Variants in PHYHIPL observed in about 807,000 individuals in gnomAD.
The protein encoded by PHYHIPL is phytanoyl-CoA hydroxylase-interacting protein-like.
A neutral mutation model predicts 33.4 loss-of-function variants in PHYHIPL; 9 were observed. That is an observed-to-expected ratio of 0.27 (90% CI 0.16 to 0.47). The LOEUF is 0.47. Among genes scored for constraint, PHYHIPL ranks in the 20% least tolerant of loss-of-function variants. The pLI, the probability that PHYHIPL is intolerant of heterozygous loss-of-function variation, is 0.99. For missense variants in PHYHIPL, 365 were observed against 460.7 expected (o/e 0.79, Z 1.90); for synonymous variants, 153 against 154.1 (o/e 0.99, Z 0.05).
chr10:59,217,011 C>G (rs185433711), intron 1 of PHYHIPL, among the ~76,000 whole-genome samples: 100 of 152,170 alleles, frequency 6.6e-4, no homozygotes, highest in African/African-American at 2.2e-3. Context: ...TAATACTTTA[C>G]TTTACTATTC....
intron 1 of PHYHIPL, chr10:59,177,186 C>T (rs916821731): frequency 8.4e-6 from 5 of 595,778 alleles, no homozygotes; most frequent in South Asian, 4.5e-5. Context: ...CGTCCACAAC[C>T]GTGGCGCCCT....
intron 1 of PHYHIPL, among the ~76,000 whole-genome samples, chr10:59,224,497 A>AAACAAAACAAAACAAAACAC (rs370140471): frequency 0.017 from 1,168 of 70,500 alleles, 9 homozygotes; most frequent in Non-Finnish European, 0.032. Flanking sequence ...AAACAAAACA[A>AAACAAAACAAAACAAAACAC]AAAACAAAAC....
intron 1 of PHYHIPL, among the ~76,000 whole-genome samples, chr10:59,204,785 G>GT (rs1390348544): frequency 6.7e-6 from 1 of 148,694 alleles, no homozygotes; most frequent in African/African-American, 2.5e-5. Context: ...TTATTCATGT[G>GT]TTTATCATTC....
At chr10:59,207,316 G>A (rs1248950842) in intron 1 of PHYHIPL, among the ~76,000 whole-genome samples, 3 of 152,156 alleles carry the variant, frequency 2.0e-5, no homozygotes, top group African/African-American at 7.2e-5. Flanking sequence ...CACCTGGGAA[G>A]CGCAAGGGGT....
Position 59,247,722 on chromosome 10 carries a change from T to C in PHYHIPL, c.*2131T>C, listed in dbSNP as rs1840842611. On this transcript the variant is annotated 3_prime_UTR_variant, in exon 5 of 5. Coordinates refer to ENST00000373880, the MANE Select transcript of PHYHIPL (RefSeq NM_032439.4). ...ACTCATCTGCCATTGGTATCCTATC[T>C]TCCTTTTGTGGACTTCTGCAAAACA... 1 of 1,611,626 alleles carries C rather than the reference T, an allele frequency of 6.2e-7. No individual in the cohort carries two copies. The highest frequency in any genetic ancestry group is 1.3e-5 in the African/African-American group (1 of 74,850).
intron 1 of PHYHIPL, among the ~76,000 whole-genome samples, chr10:59,212,279 A>G (rs559052921): frequency 3.3e-5 from 5 of 152,350 alleles, no homozygotes; most frequent in African/African-American, 7.2e-5. Context: ...AGTGTCAGGT[A>G]TTCTGTTATA....
intron 1 of PHYHIPL, among the ~76,000 whole-genome samples, chr10:59,188,558 C>T (rs555025521): frequency 6.6e-5 from 10 of 152,212 alleles, no homozygotes; most frequent in African/African-American, 2.4e-4. Flanking sequence ...CTAATGTTGA[C>T]AGTGGGGTGT....
rs1838738203 is a variant in PHYHIPL, at chr10:59,189,977, TG to T, written c.106+13019del. Among the ~76,000 whole-genome samples, 4 of 151,998 alleles carry T rather than the reference TG, an allele frequency of 2.6e-5. No individual in the cohort carries two copies. In the South Asian group the frequency reaches 8.3e-4, roughly 31 times the overall value. ...AGTTGCAGCTAGCTAGGTTATGCCATGATTAGGATTTTGGATTTATTATCTT... is the reference window on the plus strand; with the variant it reads ...AGTTGCAGCTAGCTAGGTTATGCCATATTAGGATTTTGGATTTATTATCTT... On this transcript the variant is annotated intron_variant, in intron 1 of 4. Coordinates refer to ENST00000373880, the MANE Select transcript of PHYHIPL (RefSeq NM_032439.4).
intron 1 of PHYHIPL, among the ~76,000 whole-genome samples, chr10:59,189,456 T>G (rs1225174454): frequency 2.0e-5 from 3 of 152,044 alleles, no homozygotes; most frequent in Non-Finnish European, 4.4e-5. Context: ...GACCATGCCA[T>G]TCTATTCTTG....
chr10:59,210,371 A>G (rs1226795310), intron 1 of PHYHIPL, among the ~76,000 whole-genome samples: 2 of 152,242 alleles, frequency 1.3e-5, no homozygotes, highest in Non-Finnish European at 2.9e-5. Flanking sequence ...CAAAACCACA[A>G]TGAGATACCA....
chr10:59,185,209 C>T (rs1838550287), intron 1 of PHYHIPL, among the ~76,000 whole-genome samples: 1 of 151,934 alleles, frequency 6.6e-6, no homozygotes, highest in South Asian at 2.1e-4. Context: ...CCGGGATGGT[C>T]TCGATCTCCT....
At chr10:59,182,096 C>T (rs558058122) in intron 1 of PHYHIPL, among the ~76,000 whole-genome samples, 1 of 152,254 alleles carries the variant, frequency 6.6e-6, no homozygotes, top group South Asian at 2.1e-4. Flanking sequence ...TCCTGGGCCT[C>T]GATAATAACA....
intron 1 of PHYHIPL, among the ~76,000 whole-genome samples, chr10:59,210,637 T>G (rs577186102): frequency 6.6e-6 from 1 of 152,358 alleles, no homozygotes; most frequent in Admixed American, 6.5e-5. Context: ...ATATGCTTAT[T>G]GTAGCACTGT....
intron 1 of PHYHIPL, chr10:59,177,252 T>A: frequency 1.7e-6 from 1 of 592,846 alleles, no homozygotes; most frequent in Non-Finnish European, 2.9e-6. Flanking sequence ...TCGCGGCTCC[T>A]GCCCCGACGA....
At chr10:59,215,533 A>T (rs767751374) in intron 1 of PHYHIPL, among the ~76,000 whole-genome samples, 36 of 152,050 alleles carry the variant, frequency 2.4e-4, no homozygotes, top group Non-Finnish European at 4.4e-4. Flanking sequence ...CACAATGGAA[A>T]TAATTGCGAC....
At chr10:59,180,675 T>A (rs555839664) in intron 1 of PHYHIPL, among the ~76,000 whole-genome samples, 1 of 151,770 alleles carries the variant, frequency 6.6e-6, no homozygotes, top group East Asian at 1.9e-4. Flanking sequence ...GTGGAAAAAA[T>A]GGAGGAAAAA....
upstream of PHYHIPL, among the ~76,000 whole-genome samples, chr10:59,176,433 G>C (rs114285576): frequency 6.6e-6 from 1 of 152,028 alleles, no homozygotes; most frequent in Non-Finnish European, 1.5e-5. Flanking sequence ...CCTCACGCGC[G>C]AGGTTGCCTT....
At chr10:59,241,098 G>A (rs1341089344) in intron 4 of PHYHIPL, among the ~76,000 whole-genome samples, 2 of 151,988 alleles carry the variant, frequency 1.3e-5, no homozygotes, top group Non-Finnish European at 2.9e-5. Flanking sequence ...CCACAGAGTG[G>A]TATAATTTTT....
At chr10:59,219,904 T>C (rs1839716792) in intron 1 of PHYHIPL, among the ~76,000 whole-genome samples, 1 of 152,132 alleles carries the variant, frequency 6.6e-6, no homozygotes, top group Non-Finnish European at 1.5e-5. Context: ...ACTGAAGTCA[T>C]GTAAAAATAA....
Sources: allele counts gnomAD v4.1 joint callset (sites outside exome capture counted in the v4.1 genomes callset), GRCh38; gene constraint gnomAD v4.1.1; transcripts MANE v1.5; gene names NCBI Gene and HGNC (gene_info 2026-07-23, HGNC 2026-07-21).